Variants in ADGRF5 observed in about 807,000 individuals in gnomAD.
ADGRF5 encodes the protein adhesion G protein-coupled receptor F5.
A neutral mutation model predicts 132.3 loss-of-function variants in ADGRF5; 75 were observed. The ratio of observed to expected loss-of-function variants is 0.57; its 90% CI spans 0.47 to 0.69. The LOEUF is 0.69. ADGRF5 is among the 30% of genes least tolerant of loss of function. ADGRF5 has a pLI of 0.00. For missense variants in ADGRF5, 1,516 were observed against 1,630.6 expected (o/e 0.93, Z 1.21); for synonymous variants, 629 against 597.6 (o/e 1.05, Z -0.77).
chr6:46,859,919 A>ATCTCAGG (rs1405093064), intron 16 of ADGRF5, among the ~76,000 whole-genome samples: 1 of 151,898 alleles, frequency 6.6e-6, no homozygotes, highest in Non-Finnish European at 1.5e-5. Flanking sequence ...TGAACTCCTG[A>ATCTCAGG]TCTCAGGTGA....
At chr6:46,914,054 A>C (rs1776214701) in intron 1 of ADGRF5, among the ~76,000 whole-genome samples, 2 of 152,256 alleles carry the variant, frequency 1.3e-5, no homozygotes, top group Non-Finnish European at 2.9e-5. Flanking sequence ...GCCTGAAAAT[A>C]GATGAGCACA....
intron 4 of ADGRF5, among the ~76,000 whole-genome samples, chr6:46,884,719 T>C (rs1012580454): frequency 1.3e-5 from 2 of 152,188 alleles, no homozygotes; most frequent in Admixed American, 6.5e-5. Context: ...TGAGATTATG[T>C]TATTAAAAAC....
rs749981602 is a variant in ADGRF5 at position 46,858,495 on chromosome 6, A to G, written c.3408T>C (p.Tyr1136=). The change falls in exon 17 of 21, where the codon TAT becomes TAC. Residue 1136 remains tyrosine, a synonymous_variant. Transcript: ENST00000283296. The part of the protein sequence containing the change: ...TQKAIAFCLG[Y]GCPLAISVIT... ...TGACCGAGATGGCAAGTGGGCAGCC[A>G]TAGCCAAGACAGAAGGCAATGGCTT... 3 of 1,613,640 alleles carry G rather than the reference A, an allele frequency of 1.9e-6. No individual in the cohort carries two copies. The highest frequency in any genetic ancestry group is 2.5e-6 in the Non-Finnish European group (3 of 1,179,566).
intron 14 of ADGRF5, among the ~76,000 whole-genome samples, chr6:46,864,447 A>G (rs1473214642): frequency 6.6e-6 from 1 of 152,152 alleles, no homozygotes; most frequent in Non-Finnish European, 1.5e-5. Flanking sequence ...GTCCACTTCT[A>G]ATCACCTGGT....
intron 3 of ADGRF5, 103 bp downstream of exon 3, chr6:46,899,926 T>C (rs1478710099): frequency 2.5e-6 from 2 of 815,956 alleles, no homozygotes; most frequent in Non-Finnish European, 4.3e-6. Flanking sequence ...GACCCTGATG[T>C]GATTGGAGGC....
At chr6:46,876,344 C>T (rs1466760942) in intron 10 of ADGRF5, among the ~76,000 whole-genome samples, 2 of 152,316 alleles carry the variant, frequency 1.3e-5, no homozygotes, top group African/African-American at 2.4e-5. Context: ...GGTTTTTCAC[C>T]TTTCGGGGTT....
rs763027595 is a variant in ADGRF5 at position 46,884,186 on chromosome 6, A to G, written c.414T>C (p.Ile138=). Residue 138 remains isoleucine, a synonymous_variant, in exon 5 of 21, where the codon ATT becomes ATC. Coordinates refer to ENST00000283296, the MANE Select transcript of ADGRF5 (RefSeq NM_001098518.2). ...GGAGGAAGACGTCACGCTCTTGACA[A>G]ATGAGATTGTGAAGACACCTTTCCC... ...WPRERCLHNL[I]CQERDVFLPG... The G allele has an allele frequency of 3.2e-5, 51 of 1,613,942 alleles. No homozygotes were observed. The highest frequency in any genetic ancestry group is 8.0e-5 in the African/African-American group (6 of 74,918).
intron 11 of ADGRF5, 117 bp from the exon 12 acceptor site, chr6:46,869,209 C>G (rs778615267): frequency 1.3e-6 from 2 of 1,509,758 alleles, no homozygotes; most frequent in Non-Finnish European, 1.8e-6. Context: ...AAAAAATGAA[C>G]CATCCTGACT....
In ADGRF5 at chr6:46,863,044, T is replaced by A; in HGVS notation, c.2043A>T (p.Lys681Asn). ...AGAACCGGCATAGCTTCTGGATGAC[T>A]TTCCCCGGCTCTCCGACACCTATTA... is the stretch of plus-strand genomic sequence containing the variant. The part of the protein sequence containing the change: ...DPVIGVGEPG[K>N]VIQKLCRFSN... The change falls in exon 15 of 21, where the codon AAA (lysine) becomes AAT (asparagine). Residue 681 changes from lysine (K) to asparagine (N), a missense_variant. Physicochemically the swap from Lys to Asn is moderately conservative, Grantham distance 94. Around this residue, in one of 2 missense-constraint regions of ADGRF5, gnomAD observed 945 missense variants for 929.4 expected, o/e 1.02. Transcript: ENST00000283296. 1 of 1,614,034 alleles carries A rather than the reference T, an allele frequency of 6.2e-7. No homozygotes were observed. The highest frequency in any genetic ancestry group is 8.5e-7 in the Non-Finnish European group (1 of 1,179,956).
At chr6:46,888,189 C>G in intron 4 of ADGRF5, 146 bp downstream of exon 4, 1 of 614,716 alleles carries the variant, frequency 1.6e-6, no homozygotes, top group Non-Finnish European at 2.9e-6. Flanking sequence ...TTCAGGAAGG[C>G]TGTGAAGTCA....
At chr6:46,892,281 A>G (rs968292693) in intron 3 of ADGRF5, among the ~76,000 whole-genome samples, 18 of 152,102 alleles carry the variant, frequency 1.2e-4, no homozygotes, top group African/African-American at 4.1e-4. Flanking sequence ...TGTAAACTTT[A>G]AAGTACTATT....
At chr6:46,875,644 G>A (rs918966699) in intron 10 of ADGRF5, among the ~76,000 whole-genome samples, 1 of 152,094 alleles carries the variant, frequency 6.6e-6, no homozygotes, top group East Asian at 1.9e-4. Context: ...GGGTGTGGTG[G>A]CAGGCACCTA....
chr6:46,922,639 T>C (rs1276653005), upstream of ADGRF5, among the ~76,000 whole-genome samples: 1 of 152,192 alleles, frequency 6.6e-6, no homozygotes, highest in African/African-American at 2.4e-5. Flanking sequence ...AAGAGGAAAC[T>C]GAGGCCCAAG....
Position 46,920,526 on chromosome 6 carries a change from T to TGGG in ADGRF5, c.-25+1184_-25+1186dup, listed in dbSNP as rs1554212961. Among the ~76,000 whole-genome samples, 604 of 101,912 alleles carry TGGG rather than the reference T, an allele frequency of 5.9e-3. 5 individuals are homozygous for TGGG. The highest frequency in any genetic ancestry group is 0.013 in the East Asian group (40 of 3,146). 66.9% of individuals were successfully genotyped at this position (101,912 alleles called of 152,430 possible). ...AGAAAACAATTGATAGAATAATATT[T>TGGG]GGGGGGGGGGAAGAGAGTGTATATT... On this transcript the variant is annotated intron_variant, in intron 1 of 20. Coordinates refer to ENST00000283296, the MANE Select transcript of ADGRF5 (RefSeq NM_001098518.2).
chr6:46,951,640 C>G (rs1778502952), intron 1 of ADGRF5, among the ~76,000 whole-genome samples: 1 of 152,196 alleles, frequency 6.6e-6, no homozygotes, highest in African/African-American at 2.4e-5. Context: ...TTTTCCTGCA[C>G]CACTTGGTAG....
intron 10 of ADGRF5, among the ~76,000 whole-genome samples, chr6:46,872,607 C>T (rs945346816): frequency 1.4e-4 from 22 of 152,186 alleles, no homozygotes; most frequent in Non-Finnish European, 1.0e-4. Flanking sequence ...ACTTCAACTT[C>T]ATGCATTCTC....
In ADGRF5 at chr6:46,858,890, T is replaced by A; in HGVS notation, c.3013A>T (p.Ser1005Cys). The A allele has an allele frequency of 6.2e-7, 1 of 1,613,954 alleles. No homozygotes were observed. The change falls in exon 17 of 21, where the codon AGT becomes TGT. Residue 1005 changes from serine to cysteine, a missense_variant. By Grantham distance (112) the Ser-to-Cys change is moderately radical (BLOSUM62 -1). This residue lies in a region of ADGRF5 where 571 missense variants were observed against 701.2 expected (regional missense o/e 0.81). Coordinates refer to ENST00000283296, the MANE Select transcript of ADGRF5 (RefSeq NM_001098518.2). The part of the protein sequence containing the change: ...ILMSPDSPDP[S>C]SLLGILLDII... ...TCCAGGAGTATTCCCAGGAGAGAACTAGGATCTGGGGAGTCAGGGGACATG... is the reference window on the plus strand; with the variant it reads ...TCCAGGAGTATTCCCAGGAGAGAACAAGGATCTGGGGAGTCAGGGGACATG...
At chr6:46,933,510 C>G (rs1326227328) in intron 1 of ADGRF5, among the ~76,000 whole-genome samples, 1 of 152,170 alleles carries the variant, frequency 6.6e-6, no homozygotes, top group Non-Finnish European at 1.5e-5. Context: ...CAATGGCAAA[C>G]CCAGAGAGAT....
At position 46,895,519 on chromosome 6, in the gene ADGRF5, C is replaced by T. The variant is rs77196736; in HGVS notation, c.157+4510G>A. Among the ~76,000 whole-genome samples, 17 of 151,474 alleles carry T rather than the reference C, an allele frequency of 1.1e-4. 1 individual carries two copies. In the East Asian group the frequency reaches 2.9e-3, roughly 26 times the overall value. On this transcript the variant is annotated intron_variant, in intron 3 of 20. Transcript: ENST00000283296. ...GGGCCAGCACACCCAGGTTGCTAGGCCTGCAGAAAGGGCAGGATTTCCGTG... is the reference window on the plus strand; with the variant it reads ...GGGCCAGCACACCCAGGTTGCTAGGTCTGCAGAAAGGGCAGGATTTCCGTG...
Sources: gnomAD v4.1 joint callset for allele counts (sites outside exome capture counted in the v4.1 genomes callset) on GRCh38, gnomAD v4.1.1 for gene constraint, gnomAD v4.1.1 regional missense constraint, MANE v1.5 for transcripts, NCBI Gene and HGNC (gene_info 2026-07-23, HGNC 2026-07-21) for gene names.